TLN1: variants seen among roughly 807,000 people sequenced by gnomAD.
TLN1 encodes talin 1, also known as talin-1.
TLN1 carries 56 observed loss-of-function variants against 292.3 expected under a neutral mutation model. The ratio of observed to expected loss-of-function variants is 0.19; its 90% CI spans 0.15 to 0.24. The LOEUF (loss-of-function observed/expected upper bound fraction) is 0.24, where lower values mean the gene tolerates loss of function less well. Among genes scored for constraint, TLN1 ranks in the 10% least tolerant of loss-of-function variants. TLN1 has a pLI of 1.00. For synonymous variants in TLN1, 1,119 were observed against 1,253.7 expected, an observed-to-expected ratio of 0.89 and a Z score of 2.27; for missense variants, 2,433 against 3,248.2, an observed-to-expected ratio of 0.75 and a Z score of 6.10.
At chr9:35,713,925 G>A in intron 25 of TLN1, 28 bp downstream of exon 25, 7 of 1,613,466 alleles carry the variant, frequency 4.3e-6, no homozygotes, top group Non-Finnish European at 5.9e-6. Context: ...TAGGATTTGA[G>A]TAAGAATGAG....
chr9:35,724,106 A>G lies in TLN1; in HGVS notation c.655-27T>C, dbSNP rs1825924959. ...TGGAGAGCACAGGGCAAGGAGGCGAATGTTGTGTGTGGGTGCAAGGACACG... is the reference window on the plus strand; with the variant it reads ...TGGAGAGCACAGGGCAAGGAGGCGAGTGTTGTGTGTGGGTGCAAGGACACG... On this transcript the variant is annotated intron_variant, in intron 6 of 56. Coordinates refer to ENST00000314888, the MANE Select transcript of TLN1 (RefSeq NM_006289.4). The surrounding 1 kb of genome is among the most constrained non-coding windows in gnomAD (Gnocchi z 4.7). 6.2e-7 allele frequency: 1 copy of G among 1,612,598 alleles called. No homozygotes were observed.
Position 35,706,374 on chromosome 9 carries a change from A to G in TLN1, c.5191-8T>C. On this transcript the variant is annotated splice_region_variant and splice_polypyrimidine_tract_variant and intron_variant, in intron 39 of 56. Transcript: ENST00000314888. The surrounding 1 kb of genome is among the most constrained non-coding windows in gnomAD (Gnocchi z 4.2). Reference sequence around the variant, plus strand: ...CTGCGCCATCTGGGACACCTGAGGCAAGGGGTTGGACTAGGGGTCAGGTCC... The same window carrying G: ...CTGCGCCATCTGGGACACCTGAGGCGAGGGGTTGGACTAGGGGTCAGGTCC... 6.2e-7 allele frequency: 1 copy of G among 1,610,188 alleles called. No homozygotes were observed. The highest frequency in any genetic ancestry group is 8.5e-7 in the Non-Finnish European group (1 of 1,177,824).
Position 35,714,904 on chromosome 9 carries a change from G to A in TLN1, c.2755-28C>T, listed in dbSNP as rs1389245523. The A allele has an allele frequency of 6.3e-7, 1 of 1,593,840 alleles. No homozygotes were observed. On this transcript the variant is annotated intron_variant, in intron 21 of 56. Coordinates refer to ENST00000314888, the MANE Select transcript of TLN1 (RefSeq NM_006289.4). The surrounding 1 kb of genome is among the most constrained non-coding windows in gnomAD (Gnocchi z 4.6). ...GTGAAGACAAGAGTAGTCAGACCAAGCCCATGGATTCCCATGCCCAGCCCA... is the reference window on the plus strand; with the variant it reads ...GTGAAGACAAGAGTAGTCAGACCAAACCCATGGATTCCCATGCCCAGCCCA...
chr9:35,703,397 G>A (rs980496545), intron 48 of TLN1, among the ~76,000 whole-genome samples, 163 bp downstream of exon 48: 1 of 152,144 alleles, frequency 6.6e-6, no homozygotes, highest in Non-Finnish European at 1.5e-5. Context: ...GCTGGAGGAG[G>A]ATGGCTACAG....
rs1825567783 is a variant in TLN1, at chr9:35,706,508, T to C, written c.5132A>G (p.His1711Arg). The stretch of plus-strand genomic sequence containing the variant: ...AGCATTGGCCAGCGGCTCAATGAGA[T>C]GGGAGATCTCTTGGACTGCAGTGAG... ...QMLTAVQEIS[H>R]LIEPLANAAR... is the part of the protein sequence containing the mutation. Residue 1711 changes from histidine (H) to arginine (R), a missense_variant, in exon 39 of 57, where the codon CAT (histidine) becomes CGT (arginine). His to Arg is a conservative substitution (Grantham distance 29). Around this residue, in one of 7 missense-constraint regions of TLN1, gnomAD observed 1,384 missense variants for 1,699.6 expected, o/e 0.81. Transcript: ENST00000314888. This position sits in a 1 kb window ranked among gnomAD's most constrained non-coding sequence, Gnocchi z 4.2. 1.2e-6 allele frequency: 2 copies of C among 1,614,082 alleles called. No homozygotes were observed. Among genetic ancestry groups the C allele is most frequent in the South Asian group, 1.1e-5 (1 of 91,082 alleles).
In TLN1 at chr9:35,706,640, C is replaced by A; in HGVS notation, c.5089-89G>T. The A allele has an allele frequency of 6.3e-7, 1 of 1,585,590 alleles. No homozygotes were observed. The highest frequency in any genetic ancestry group is 8.6e-7 in the Non-Finnish European group (1 of 1,161,264). ...ACTGCTCTTCTGTCCATACCAAATA[C>A]CCTAACCCTCCTTCGCACATCCCAG... On this transcript the variant is annotated intron_variant, in intron 38 of 56. Transcript: ENST00000314888. The surrounding 1 kb of genome is among the most constrained non-coding windows in gnomAD (Gnocchi z 4.2).
At chr9:35,730,895 T>C (rs932310710) in intron 1 of TLN1, among the ~76,000 whole-genome samples, 9 of 152,130 alleles carry the variant, frequency 5.9e-5, no homozygotes, top group African/African-American at 2.2e-4. Flanking sequence ...GCTTCCCCCA[T>C]AGTCATCAGC....
Position 35,720,111 on chromosome 9 carries a change from C to A in TLN1, c.1392G>T (p.Gln464His), listed in dbSNP as rs760699836. 1.2e-6 allele frequency: 2 copies of A among 1,612,380 alleles called. No individual in the cohort carries two copies. The highest frequency in any genetic ancestry group is 4.5e-5 in the East Asian group (2 of 44,874). The change falls in exon 13 of 57, where the codon CAG becomes CAT. Residue 464 changes from glutamine (Q) to histidine (H), a missense_variant. Coordinates refer to ENST00000314888, the MANE Select transcript of TLN1 (RefSeq NM_006289.4). ...RSGASGPENFQVGSMPPAQQQ... is the reference protein window; with the variant it reads ...RSGASGPENFHVGSMPPAQQQ... ...GCTGGGCAGGGGGCATGCTGCCCAC[C>A]TGGAAATTCTCAGGACCAGAGGCTC...
rs770644184 is a variant in TLN1 at position 35,725,614 on chromosome 9, G to A, written c.81C>T (p.Asp27=). ...TCCGCTCACGAATGATGCGGCAGGC[G>A]TCGTACACCATGGTAGACGGCTCAA... ...MQFEPSTMVY[D]ACRIIRERIP... is the part of the protein sequence containing the mutation. Residue 27 remains aspartate (D), a synonymous_variant, in exon 2 of 57, where the codon GAC becomes GAT. Coordinates refer to ENST00000314888, the MANE Select transcript of TLN1 (RefSeq NM_006289.4). 12 of 1,613,758 alleles carry A rather than the reference G, an allele frequency of 7.4e-6. No individual in the cohort carries two copies. The highest frequency in any genetic ancestry group is 2.2e-5 in the East Asian group (1 of 44,888).
At position 35,698,644 on chromosome 9, in the gene TLN1, C is replaced by T. The variant is rs1462469728; in HGVS notation, c.7161G>A (p.Gly2387=). Residue 2387 remains glycine (G), a synonymous_variant, in exon 54 of 57, where the codon GGG becomes GGA. Coordinates refer to ENST00000314888, the MANE Select transcript of TLN1 (RefSeq NM_006289.4). This position sits in a 1 kb window ranked among gnomAD's most constrained non-coding sequence, Gnocchi z 5.3. ...GAIPANALDD[G]QWSQGLISAA... ...CAGAAATGAGGCCCTGGGACCACTG[C>T]CCATCGTCCAGTGCATTGGCTGGAA... 6.2e-7 allele frequency: 1 copy of T among 1,614,170 alleles called. No individual in the cohort carries two copies. The highest frequency in any genetic ancestry group is 8.5e-7 in the Non-Finnish European group (1 of 1,180,038).
chr9:35,704,702 C>G lies in TLN1; in HGVS notation c.5847G>C (p.Glu1949Asp). 6.2e-7 allele frequency: 1 copy of G among 1,614,138 alleles called. No homozygotes were observed. Among genetic ancestry groups the G allele is most frequent in the South Asian group, 1.1e-5 (1 of 91,076 alleles). ...CSPSDAYTKK[E>D]LIECARRVSE... ...AGACTCTCCGGGCACACTCTATGAG[C>G]TCCTTCTTGGTGTAGGCATCACTGG... The change falls in exon 44 of 57, where the codon GAG (glutamate) becomes GAC (aspartate). Residue 1949 changes from glutamate to aspartate, a missense_variant. Glu to Asp is a conservative substitution (Grantham distance 45). Transcript: ENST00000314888. The surrounding 1 kb of genome is among the most constrained non-coding windows in gnomAD (Gnocchi z 6.9).
In TLN1 at chr9:35,699,418, C is replaced by T. The variant is rs774185391; in HGVS notation, c.6812G>A (p.Gly2271Glu). ...GGAACCAGCCACACGCTTTGAATGT[C>T]CTGTCAACTGCTGCTTCAGTTCTGG... ...PSPELKQQLT[G>E]HSKRVAGSVT... The change falls in exon 51 of 57, where the codon GGA becomes GAA. Residue 2271 changes from glycine (G) to glutamate (E), a missense_variant. Physicochemically the swap from Gly to Glu is moderately conservative, Grantham distance 98 (BLOSUM62 -2). Transcript: ENST00000314888. This position sits in a 1 kb window ranked among gnomAD's most constrained non-coding sequence, Gnocchi z 4.0. 1.7e-5 allele frequency: 27 copies of T among 1,614,040 alleles called. 1 individual carries two copies. The highest frequency in any genetic ancestry group is 3.3e-4 in the Middle Eastern group (2 of 6,058).
chr9:35,719,746 C>A lies in TLN1; in HGVS notation c.1572G>T (p.Gln524His), dbSNP rs766290819. ...DDFDTLPPLG[Q>H]DAASKAWRKN... ...TCCTCCATCCCATACTTACAGCATC[C>A]TGGCCAAGAGGCGGCAGAGTGTCAA... Residue 524 changes from glutamine (Q) to histidine (H), a missense_variant, in exon 14 of 57, where the codon CAG (glutamine) becomes CAT (histidine). Transcript: ENST00000314888. The surrounding 1 kb of genome is among the most constrained non-coding windows in gnomAD (Gnocchi z 4.6). 1 of 1,609,866 alleles carries A rather than the reference C, an allele frequency of 6.2e-7. No homozygotes were observed. Among genetic ancestry groups the A allele is most frequent in the Admixed American group, 1.7e-5 (1 of 59,086 alleles).
In TLN1 at chr9:35,724,293, C is replaced by T; in HGVS notation, c.553G>A (p.Val185Ile). 1.2e-6 allele frequency: 2 copies of T among 1,614,236 alleles called. No individual in the cohort carries two copies. The highest frequency in any genetic ancestry group is 1.7e-6 in the Non-Finnish European group (2 of 1,180,042). The change falls in exon 6 of 57, where the codon GTA becomes ATA. Residue 185 changes from valine (V) to isoleucine (I), a missense_variant. Val to Ile is a conservative substitution (Grantham distance 29). Transcript: ENST00000314888. This position sits in a 1 kb window ranked among gnomAD's most constrained non-coding sequence, Gnocchi z 4.7. The stretch of plus-strand genomic sequence containing the variant: ...AGCAGCAGCGTCTCGTGCTCCTCTA[C>T]ACCCTGCTCCCTCAGTGTCCGACCA... ...DHGRTLREQG[V>I]EEHETLLLRR...
chr9:35,720,533 G>A lies in TLN1; in HGVS notation c.1207-24C>T, dbSNP rs201827525. 6.2e-6 allele frequency: 10 copies of A among 1,611,278 alleles called. No individual in the cohort carries two copies. The African/African-American group carries it at 6.7e-5, about 11-fold the overall frequency. On this transcript the variant is annotated intron_variant, in intron 11 of 56. Coordinates refer to ENST00000314888, the MANE Select transcript of TLN1 (RefSeq NM_006289.4). ...TTCTGTAGGAAGGAAAAAGGAACAAGAGTTGGGATAGTTAAAGAAGAGGGA... is the reference window on the plus strand; with the variant it reads ...TTCTGTAGGAAGGAAAAAGGAACAAAAGTTGGGATAGTTAAAGAAGAGGGA...
In TLN1 at chr9:35,699,235, T is replaced by A. The variant is rs1489113211; in HGVS notation, c.6875-79A>T. 3.2e-6 allele frequency: 5 copies of A among 1,563,824 alleles called. No homozygotes were observed. The highest frequency in any genetic ancestry group is 4.3e-6 in the Non-Finnish European group (5 of 1,153,442). ...GCACCAGGGAGCATGGTTAGTATCA[T>A]CAGGCCCTGGCATCTGTGGGGACTA... is the stretch of plus-strand genomic sequence containing the variant. On this transcript the variant is annotated intron_variant, in intron 51 of 56. Transcript: ENST00000314888. The surrounding 1 kb of genome is among the most constrained non-coding windows in gnomAD (Gnocchi z 4.0).
intron 25 of TLN1, 51 bp downstream of exon 25, chr9:35,713,902 T>G: frequency 6.2e-7 from 1 of 1,608,530 alleles, no homozygotes. Flanking sequence ...GGCACGGAGG[T>G]GAAGGAAGAC....
Position 35,720,450 on chromosome 9 carries a change from G to C in TLN1, c.1266C>G (p.Asp422Glu). ...CTTCGTACTTTTTGGGGGACACTGA[G>C]TCCTCCAGCATAGTAGACTCCTCAT... is the stretch of plus-strand genomic sequence containing the variant. ...EGDEESTMLE[D>E]SVSPKKSTVL... Residue 422 changes from aspartate to glutamate, a missense_variant, in exon 12 of 57, where the codon GAC (aspartate) becomes GAG (glutamate). Physicochemically the swap from Asp to Glu is conservative, Grantham distance 45. Transcript: ENST00000314888. 1 of 1,614,084 alleles carries C rather than the reference G, an allele frequency of 6.2e-7. No homozygotes were observed. The highest frequency in any genetic ancestry group is 8.5e-7 in the Non-Finnish European group (1 of 1,179,996).
Position 35,716,500 on chromosome 9 carries a change from C to CTG in TLN1, c.2514_2515insCA (p.Ala839GlnfsTer20). 6.2e-7 allele frequency: 1 copy of CTG among 1,614,206 alleles called. No individual in the cohort carries two copies. The highest frequency in any genetic ancestry group is 8.5e-7 in the Non-Finnish European group (1 of 1,180,038). Reference sequence around the variant, plus strand: ...TCCCCCTCAGCATCAGCCTTGATGGCATTGACCAGGTCAGATGTGGCTTGG... The same window carrying CTG: ...TCCCCCTCAGCATCAGCCTTGATGGCTGATTGACCAGGTCAGATGTGGCTTGG... On this transcript the variant is annotated frameshift_variant, in exon 20 of 57. Coordinates refer to ENST00000314888, the MANE Select transcript of TLN1 (RefSeq NM_006289.4). LOFTEE classifies it high-confidence loss of function.
Sources: gnomAD v4.1 joint callset for allele counts (sites outside exome capture counted in the v4.1 genomes callset) on GRCh38, gnomAD v4.1.1 for gene constraint, gnomAD v4.1.1 regional missense constraint, Gnocchi (gnomAD v3.1) non-coding constraint, MANE v1.5 for transcripts, NCBI Gene and HGNC (gene_info 2026-07-23, HGNC 2026-07-21) for gene names.